The following HDAC9 variants were observed in gnomAD, a reference collection of about 807,000 sequenced individuals.
HDAC9 encodes the protein MEF-2 interacting transcription repressor (MITR) protein.
HDAC9 carries 41 observed loss-of-function variants against 139.4 expected under a neutral mutation model. The ratio of observed to expected loss-of-function variants is 0.29; its 90% confidence interval spans 0.23 to 0.38. The LOEUF is 0.38. Ranked by LOEUF, HDAC9 falls within the 10% of genes least tolerant of loss-of-function variation. The pLI is 1.00. For missense variants in HDAC9, 1,147 were observed against 1,297.0 expected, an observed-to-expected ratio of 0.88 and a Z score of 1.78; for synonymous variants, 517 against 476.2, an observed-to-expected ratio of 1.09 and a Z score of -1.12.
chr7:18,482,719 T>C (rs1341238143), intron 1 of HDAC9, among the ~76,000 whole-genome samples: 1 of 152,308 alleles, frequency 6.6e-6, no homozygotes. Flanking sequence ...CTTTTCTTCC[T>C]GGGCCATCGA....
At chr7:18,538,748 G>A (rs570403348) in intron 2 of HDAC9, among the ~76,000 whole-genome samples, 4 of 152,182 alleles carry the variant, frequency 2.6e-5, no homozygotes, top group Non-Finnish European at 5.9e-5. Context: ...AGTGAAAATT[G>A]TAAAATTATA....
intron 22 of HDAC9, among the ~76,000 whole-genome samples, chr7:18,901,249 TATATAC>T (rs775181846): frequency 7.5e-6 from 1 of 133,444 alleles, no homozygotes; most frequent in Non-Finnish European, 1.6e-5. Context: ...CACACACACA[TATATAC>T]ATATACATAT....
intron 2 of HDAC9, among the ~76,000 whole-genome samples, chr7:18,530,900 G>A (rs1808708941): frequency 6.6e-6 from 1 of 151,264 alleles, no homozygotes; most frequent in African/African-American, 2.4e-5. Flanking sequence ...GGTATATAAA[G>A]GCTTACAGTG....
chr7:18,874,649 T>C (rs1324172067), intron 22 of HDAC9, 53 bp downstream of exon 22: 6 of 1,044,744 alleles, frequency 5.7e-6, no homozygotes, highest in African/African-American at 3.2e-5. Context: ...TACCATCTTT[T>C]AGGTCTTTAT....
intron 6 of HDAC9, among the ~76,000 whole-genome samples, chr7:18,615,597 C>T (rs9918514): frequency 0.062 from 9,494 of 152,020 alleles, 480 homozygotes; most frequent in African/African-American, 0.14. Flanking sequence ...AAACCTTTAC[C>T]GTAGAAAATT....
At chr7:18,334,763 G>A (rs2128652345) in intron 1 of HDAC9, among the ~76,000 whole-genome samples, 1 of 151,654 alleles carries the variant, frequency 6.6e-6, no homozygotes, top group East Asian at 1.9e-4. Flanking sequence ...GGAGGAGTTA[G>A]CACCACAGAG....
intron 2 of HDAC9, among the ~76,000 whole-genome samples, chr7:18,550,455 A>C (rs977356358): frequency 6.6e-6 from 1 of 152,190 alleles, no homozygotes; most frequent in Admixed American, 6.5e-5. Flanking sequence ...ACAACAGATA[A>C]AAAAATTGCT....
intron 1 of HDAC9, among the ~76,000 whole-genome samples, chr7:18,456,921 G>T (rs1173128097): frequency 6.6e-6 from 1 of 152,132 alleles, no homozygotes. Flanking sequence ...CGATGGCCCT[G>T]GAAGTAGAAC....
chr7:18,629,822 A>T (rs1004386903), intron 7 of HDAC9, among the ~76,000 whole-genome samples: 7 of 152,168 alleles, frequency 4.6e-5, no homozygotes, highest in Non-Finnish European at 8.8e-5. Flanking sequence ...AAATGAGCAG[A>T]GGGAGGTCCA....
chr7:18,327,778 T>A (rs1363583946), intron 1 of HDAC9: 1 of 152,008 alleles, frequency 6.6e-6, no homozygotes, highest in African/African-American at 2.4e-5. Flanking sequence ...TTTTATTTCC[T>A]ACTATCTAAC....
chr7:18,749,248 A>T (rs1788240594), intron 14 of HDAC9, 110 bp downstream of exon 14: 1 of 1,107,916 alleles, frequency 9.0e-7, no homozygotes, highest in Non-Finnish European at 1.3e-6. Context: ...TGCAAACACC[A>T]TGATTGATGA....
intron 2 of HDAC9, among the ~76,000 whole-genome samples, chr7:18,555,607 G>T (rs1413030921): frequency 3.9e-5 from 6 of 152,076 alleles, no homozygotes; most frequent in Non-Finnish European, 8.8e-5. Context: ...GTGTGTATAT[G>T]AAAAAGATCC....
intron 12 of HDAC9, among the ~76,000 whole-genome samples, chr7:18,679,946 T>C (rs1004050468): frequency 6.6e-6 from 1 of 151,996 alleles, no homozygotes; most frequent in South Asian, 2.1e-4. Context: ...GGGATCCCTG[T>C]TAAGCAGTTT....
chr7:18,927,433 TC>T (rs947770497), intron 22 of HDAC9, among the ~76,000 whole-genome samples: 17 of 152,286 alleles, frequency 1.1e-4, no homozygotes, highest in Admixed American at 2.6e-4. Context: ...GACTGCATTT[TC>T]CTAAAGAATA....
At chr7:18,829,348 G>C (rs1795691170) in intron 18 of HDAC9, 113 bp from the exon 19 acceptor site, 2 of 1,112,888 alleles carry the variant, frequency 1.8e-6, no homozygotes, top group Non-Finnish European at 2.7e-6. Flanking sequence ...CCCAGAAGCA[G>C]ATTTATGGCT....
intron 22 of HDAC9, among the ~76,000 whole-genome samples, chr7:18,933,136 C>T (rs538137480): frequency 6.6e-6 from 1 of 152,130 alleles, no homozygotes; most frequent in Non-Finnish European, 1.5e-5. Context: ...ATACGATAGA[C>T]TGATAGCTTA....
chr7:18,424,561 A>G (rs77447652), intron 1 of HDAC9, among the ~76,000 whole-genome samples: 4,472 of 152,298 alleles, frequency 0.029, 74 homozygotes, highest in African/African-American at 0.047. Context: ...ATGTGATTAT[A>G]TGACTTTTAC....
intron 1 of HDAC9, among the ~76,000 whole-genome samples, chr7:18,351,605 GA>G (rs1448551507): frequency 6.6e-6 from 1 of 152,150 alleles, no homozygotes; most frequent in Non-Finnish European, 1.5e-5. Flanking sequence ...AAGCTAAACT[GA>G]AGTTGAATCT....
chr7:18,434,084 A>G (rs898672418), intron 1 of HDAC9, among the ~76,000 whole-genome samples: 2 of 152,200 alleles, frequency 1.3e-5, no homozygotes, highest in Non-Finnish European at 2.9e-5. Flanking sequence ...CCAACAGAAC[A>G]GAATAGAGAA....
Sources: allele counts gnomAD v4.1 joint callset (sites outside exome capture counted in the v4.1 genomes callset), GRCh38; gene constraint gnomAD v4.1.1; transcripts MANE v1.5; gene names NCBI Gene and HGNC (gene_info 2026-07-23, HGNC 2026-07-21).